Variants in LYPD6 observed in about 807,000 individuals in gnomAD.
LYPD6 encodes the protein ly6/PLAUR domain-containing protein 6.
Under a neutral mutation model 22.7 loss-of-function variants are expected in LYPD6, and 15 were observed. The ratio of observed to expected loss-of-function variants is 0.66; its 90% CI spans 0.44 to 1.02. The LOEUF is 1.02. Ranked by LOEUF, LYPD6 falls within the 50% of genes least tolerant of loss-of-function variation. LYPD6 has a pLI of 0.00. For missense variants in LYPD6, 189 were observed against 208.4 expected (o/e 0.91, Z 0.57); for synonymous variants, 72 against 77.5 (o/e 0.93, Z 0.37).
intron 1 of LYPD6, among the ~76,000 whole-genome samples, chr2:149,371,963 C>T (rs1203735097): frequency 6.6e-6 from 1 of 152,128 alleles, no homozygotes; most frequent in Non-Finnish European, 1.5e-5. Context: ...TCCACAGAGG[C>T]TTCCAAAATT....
At chr2:149,423,292 G>A (rs923087997) in intron 1 of LYPD6, among the ~76,000 whole-genome samples, 2 of 152,130 alleles carry the variant, frequency 1.3e-5, no homozygotes, top group Non-Finnish European at 2.9e-5. Flanking sequence ...ATAAAGGAAG[G>A]TTCTCTTAAA....
Position 149,473,358 on chromosome 2 carries a change from C to T in LYPD6, c.*2508C>T, listed in dbSNP as rs953476500. 1 of 152,580 alleles carries T rather than the reference C, an allele frequency of 6.6e-6. No homozygotes were observed. Among genetic ancestry groups the T allele is most frequent in the African/African-American group, 2.4e-5 (1 of 41,440 alleles). 9.5% of individuals were successfully genotyped at this position (152,580 alleles called of 1,614,324 possible). On this transcript the variant is annotated 3_prime_UTR_variant, in exon 5 of 5. Transcript: ENST00000334166. ...GAAAGAAAGTTATTTGCTCACTATC[C>T]CCAGCCTCAAGGAGCCAAGGAAGAG... is the stretch of plus-strand genomic sequence containing the variant.
At chr2:149,358,240 TC>T (rs1559123346) in intron 1 of LYPD6, among the ~76,000 whole-genome samples, 1 of 152,214 alleles carries the variant, frequency 6.6e-6, no homozygotes, top group African/African-American at 2.4e-5. Flanking sequence ...TGCTGTTTCT[TC>T]CTATTATATT....
At chr2:149,374,465 A>G (rs1245034628) in intron 1 of LYPD6, among the ~76,000 whole-genome samples, 1 of 152,194 alleles carries the variant, frequency 6.6e-6, no homozygotes, top group Non-Finnish European at 1.5e-5. Flanking sequence ...ATTGGGAATG[A>G]AGGCAACAAT....
chr2:149,454,788 A>C (rs1680913375), intron 3 of LYPD6, among the ~76,000 whole-genome samples: 1 of 152,168 alleles, frequency 6.6e-6, no homozygotes, highest in Non-Finnish European at 1.5e-5. Flanking sequence ...TAACCAGATG[A>C]CATTTTTAAA....
At chr2:149,369,810 T>A (rs1259834510) in intron 1 of LYPD6, among the ~76,000 whole-genome samples, 1 of 152,068 alleles carries the variant, frequency 6.6e-6, no homozygotes, top group Non-Finnish European at 1.5e-5. Context: ...GCTAAGTTTG[T>A]GAAAAGAAGT....
chr2:149,463,819 C>T (rs1681139221), intron 3 of LYPD6, among the ~76,000 whole-genome samples: 1 of 151,628 alleles, frequency 6.6e-6, no homozygotes, highest in Admixed American at 6.6e-5. Flanking sequence ...CTCAAAATGA[C>T]AAAATTATAG....
At chr2:149,382,793 T>C (rs1376844768) in intron 1 of LYPD6, among the ~76,000 whole-genome samples, 1 of 152,344 alleles carries the variant, frequency 6.6e-6, no homozygotes, top group East Asian at 1.9e-4. Context: ...ATAATTCTGT[T>C]AGCTCATTAA....
At position 149,456,104 on chromosome 2, in the gene LYPD6, G is replaced by A. The variant is rs6752051; in HGVS notation, c.217+6957G>A. 2.3e-3 allele frequency among the ~76,000 whole-genome samples: 355 copies of A among 152,272 alleles called. 3 individuals are homozygous for A. Among genetic ancestry groups the A allele is most frequent in the African/African-American group, 8.1e-3 (336 of 41,564 alleles). Reference sequence around the variant, plus strand: ...GATCTATGGAGAATAATTGTTAAGAGCAGAAAAGCCAAAACAATAATCTGG... The same window carrying A: ...GATCTATGGAGAATAATTGTTAAGAACAGAAAAGCCAAAACAATAATCTGG... On this transcript the variant is annotated intron_variant, in intron 3 of 4. Transcript: ENST00000334166.
intron 1 of LYPD6, among the ~76,000 whole-genome samples, chr2:149,424,754 G>A (rs376639085): frequency 1.3e-5 from 2 of 152,158 alleles, no homozygotes; most frequent in East Asian, 1.9e-4. Flanking sequence ...TCATAGTGGC[G>A]CTGTCAATTG....
chr2:149,432,284 A>C (rs1431023551), intron 1 of LYPD6, among the ~76,000 whole-genome samples: 1 of 152,258 alleles, frequency 6.6e-6, no homozygotes, highest in Non-Finnish European at 1.5e-5. Context: ...ATATGTCCAC[A>C]CACAAACATG....
intron 1 of LYPD6, among the ~76,000 whole-genome samples, chr2:149,332,121 A>G (rs1272044496): frequency 6.6e-6 from 1 of 152,240 alleles, no homozygotes. Flanking sequence ...TTAAATGTAA[A>G]ACATCTATCT....
rs775041891 is a variant in LYPD6 at position 149,464,230 on chromosome 2, G to A, written c.218-4415G>A. The A allele has an allele frequency of 3.9e-4, 135 of 347,374 alleles. 1 individual carries two copies. The highest frequency in any genetic ancestry group is 1.8e-3 in the South Asian group (73 of 41,286). 21.5% of individuals were successfully genotyped at this position (347,374 alleles called of 1,614,324 possible). On this transcript the variant is annotated intron_variant, in intron 3 of 4. Coordinates refer to ENST00000334166, the MANE Select transcript of LYPD6 (RefSeq NM_194317.5). ...AAGTTAAGAAGGACTAAGACAACATGGAGAAGAGAGAAGATTAGCATTGAC... is the reference window on the plus strand; with the variant it reads ...AAGTTAAGAAGGACTAAGACAACATAGAGAAGAGAGAAGATTAGCATTGAC...
intron 1 of LYPD6, among the ~76,000 whole-genome samples, chr2:149,401,956 G>A (rs1682566520): frequency 6.6e-6 from 1 of 151,590 alleles, no homozygotes; most frequent in Admixed American, 6.6e-5. Flanking sequence ...GTGAGAACAT[G>A]TGATGTTTGG....
intron 1 of LYPD6, among the ~76,000 whole-genome samples, chr2:149,401,192 A>T (rs1396224519): frequency 6.6e-6 from 1 of 152,202 alleles, no homozygotes; most frequent in South Asian, 2.1e-4. Context: ...TTGATCAGGA[A>T]TGTACCACAT....
At chr2:149,363,335 G>A (rs1233470957) in intron 1 of LYPD6, among the ~76,000 whole-genome samples, 2 of 152,108 alleles carry the variant, frequency 1.3e-5, no homozygotes, top group East Asian at 3.8e-4. Context: ...TCACTGTATG[G>A]CACCATTATT....
chr2:149,483,339 T>C, the LYPD6 span, among the ~76,000 whole-genome samples: 1 of 152,240 alleles, frequency 6.6e-6, no homozygotes, highest in African/African-American at 2.4e-5. Flanking sequence ...AAATGCATTT[T>C]CTGCCTCTCT....
intron 1 of LYPD6, among the ~76,000 whole-genome samples, chr2:149,430,993 G>A (rs912091939): frequency 1.2e-4 from 19 of 152,168 alleles, no homozygotes; most frequent in African/African-American, 4.6e-4. Flanking sequence ...CCCAAGTGGA[G>A]GAAGTCCAAT....
At chr2:149,468,191 G>A (rs981713948) in intron 3 of LYPD6, among the ~76,000 whole-genome samples, 1 of 77,296 alleles carries the variant, frequency 1.3e-5, no homozygotes, top group Non-Finnish European at 2.9e-5. Flanking sequence ...ACACACACCA[G>A]CCACTGCTGT....
Sources: gnomAD v4.1 joint callset for allele counts (sites outside exome capture counted in the v4.1 genomes callset) on GRCh38, gnomAD v4.1.1 for gene constraint, MANE v1.5 for transcripts, NCBI Gene and HGNC (gene_info 2026-07-23, HGNC 2026-07-21) for gene names.